Variants in DIP2B observed in about 807,000 individuals in gnomAD.
The protein encoded by DIP2B is DIP2 acetate--CoA ligase B (putative).
A neutral mutation model predicts 198.0 loss-of-function variants in DIP2B; 76 were observed. The ratio of observed to expected loss-of-function variants is 0.38; its 90% CI spans 0.32 to 0.46. DIP2B has a LOEUF of 0.46. DIP2B is among the 20% of genes least tolerant of loss of function. DIP2B has a pLI of 0.99. For synonymous variants in DIP2B, 701 were observed against 739.1 expected (o/e 0.95, Z 0.84); for missense variants, 1,559 against 1,978.4 (o/e 0.79, Z 4.02).
intron 1 of DIP2B, among the ~76,000 whole-genome samples, chr12:50,589,053 G>A (rs1055348988): frequency 9.2e-5 from 14 of 151,378 alleles, no homozygotes; most frequent in Non-Finnish European, 1.3e-4. Flanking sequence ...GTGTGGTGGC[G>A]GGCACCTGTA....
intron 22 of DIP2B, among the ~76,000 whole-genome samples, chr12:50,711,487 T>C (rs1283872638): frequency 4.6e-5 from 7 of 152,204 alleles, no homozygotes; most frequent in African/African-American, 1.7e-4. Flanking sequence ...GTCATCTGTA[T>C]TGGTTGGTAG....
At chr12:50,541,311 C>G (rs1044712527) in intron 1 of DIP2B, among the ~76,000 whole-genome samples, 3 of 151,016 alleles carry the variant, frequency 2.0e-5, no homozygotes, top group Non-Finnish European at 4.4e-5. Flanking sequence ...TATTTTTTAT[C>G]TAATATCAGT....
intron 22 of DIP2B, among the ~76,000 whole-genome samples, chr12:50,711,166 G>A (rs1939607187): frequency 6.6e-6 from 1 of 152,194 alleles, no homozygotes; most frequent in Admixed American, 6.5e-5. Context: ...ATTTGGGCAT[G>A]AGATAACAGG....
At chr12:50,595,286 G>T (rs1424061820) in intron 1 of DIP2B, among the ~76,000 whole-genome samples, 1 of 152,068 alleles carries the variant, frequency 6.6e-6, no homozygotes, top group Non-Finnish European at 1.5e-5. Flanking sequence ...AAACTGGTAA[G>T]GTTTTTCATT....
At chr12:50,515,793 T>A (rs550844410) in intron 1 of DIP2B, among the ~76,000 whole-genome samples, 5 of 152,186 alleles carry the variant, frequency 3.3e-5, no homozygotes, top group African/African-American at 9.7e-5. Flanking sequence ...CTGACTTGCC[T>A]CTGCTCTAGA....
At chr12:50,679,077 T>C in intron 8 of DIP2B, 1 of 603,422 alleles carries the variant, frequency 1.7e-6, no homozygotes, top group Admixed American at 3.3e-5. Flanking sequence ...AGCCAGCTAA[T>C]ATTTAAAAGA....
rs773492675 is a variant in DIP2B, at chr12:50,691,112, C to T, written c.1615C>T (p.His539Tyr). Residue 539 changes from histidine to tyrosine, a missense_variant, in exon 13 of 38, where the codon CAC becomes TAC. By Grantham distance (83) the His-to-Tyr change is moderately conservative (BLOSUM62 2). Transcript: ENST00000301180. Reference protein sequence around the residue: ...VTVSRLAMLSHCQALSQACNY... With the variant: ...VTVSRLAMLSYCQALSQACNY... ...AGTATCCCGGCTTGCAATGTTGTCT[C>T]ACTGCCAAGCTCTGTCGCAGGCCTG... 2.5e-6 allele frequency: 4 copies of T among 1,614,096 alleles called. No individual in the cohort carries two copies. Among genetic ancestry groups the T allele is most frequent in the East Asian group, 2.2e-5 (1 of 44,890 alleles).
chr12:50,689,447 A>C (rs1939185770), intron 12 of DIP2B, among the ~76,000 whole-genome samples: 1 of 152,182 alleles, frequency 6.6e-6, no homozygotes, highest in Non-Finnish European at 1.5e-5. Context: ...GCAGAGAGCA[A>C]AGTAGATGGA....
Position 50,579,459 on chromosome 12 carries a change from A to G in DIP2B, c.101-46517A>G, listed in dbSNP as rs192961228. Among the ~76,000 whole-genome samples, 21 of 150,510 alleles carry G rather than the reference A, an allele frequency of 1.4e-4. 1 individual carries two copies. The highest frequency in any genetic ancestry group is 4.6e-4 in the African/African-American group (19 of 40,976). ...GAAACCCCGTCTCTACAAAAAATAC[A>G]AAATTAGCCAGGTGTGGTGGCAGGT... On this transcript the variant is annotated intron_variant, in intron 1 of 37. Transcript: ENST00000301180.
At chr12:50,544,678 C>T (rs1049222214) in intron 1 of DIP2B, among the ~76,000 whole-genome samples, 3 of 147,374 alleles carry the variant, frequency 2.0e-5, no homozygotes, top group South Asian at 2.1e-4. Flanking sequence ...AGTGCAATGG[C>T]GTGATCTCAG....
At position 50,694,755 on chromosome 12, in the gene DIP2B, G is replaced by C. The variant is rs542725465; in HGVS notation, c.1720-512G>C. The stretch of plus-strand genomic sequence containing the variant: ...AGTCCAGGGAAGGAAGTAGGAATGT[G>C]CTCCTTGAAACATTTTTTGTAGTAG... On this transcript the variant is annotated intron_variant, in intron 14 of 37. Transcript: ENST00000301180. Among the ~76,000 whole-genome samples, 11 of 150,576 alleles carry C rather than the reference G, an allele frequency of 7.3e-5. No individual in the cohort carries two copies. The South Asian group carries it at 2.3e-3, about 32-fold the overall frequency.
chr12:50,578,702 G>T (rs1593625153), intron 1 of DIP2B, among the ~76,000 whole-genome samples: 2 of 151,508 alleles, frequency 1.3e-5, no homozygotes, highest in South Asian at 2.1e-4. Flanking sequence ...TAGAGACAGG[G>T]TTTCACCGTG....
chr12:50,533,951 CT>C (rs534583466), intron 1 of DIP2B, among the ~76,000 whole-genome samples: 13 of 152,132 alleles, frequency 8.5e-5, no homozygotes, highest in Non-Finnish European at 1.3e-4. Flanking sequence ...TTTTTCCCCC[CT>C]GTGACAGAAG....
intron 4 of DIP2B, among the ~76,000 whole-genome samples, chr12:50,670,614 A>T (rs963009911): frequency 1.3e-5 from 2 of 151,958 alleles, no homozygotes; most frequent in African/African-American, 2.4e-5. Flanking sequence ...ATGGGGTTTC[A>T]CCGTGTTGGC....
At chr12:50,604,933 A>G (rs570771939) in intron 1 of DIP2B, among the ~76,000 whole-genome samples, 10 of 152,326 alleles carry the variant, frequency 6.6e-5, no homozygotes, top group East Asian at 1.9e-4. Context: ...TCCCAAGGAT[A>G]GTACGTAGCC....
At chr12:50,521,073 CT>C (rs1482049000) in intron 1 of DIP2B, among the ~76,000 whole-genome samples, 1 of 138,348 alleles carries the variant, frequency 7.2e-6, no homozygotes, top group African/African-American at 2.6e-5. Flanking sequence ...TATTTTTAGA[CT>C]ATTGTTATAT....
intron 9 of DIP2B, among the ~76,000 whole-genome samples, chr12:50,681,544 GT>G (rs1410620904): frequency 6.6e-6 from 1 of 151,986 alleles, no homozygotes; most frequent in Non-Finnish European, 1.5e-5. Flanking sequence ...GATTGACAGA[GT>G]TTTATTTCTC....
intron 1 of DIP2B, among the ~76,000 whole-genome samples, chr12:50,510,679 C>G (rs1368720198): frequency 6.8e-6 from 1 of 147,910 alleles, no homozygotes; most frequent in East Asian, 2.0e-4. Flanking sequence ...GAGTTTCACT[C>G]TTGTTGCCCA....
At position 50,505,022 on chromosome 12, in the gene DIP2B, C is replaced by CGGCGGCGGCGGCGGT. The variant is rs1274636642; in HGVS notation, c.-117_-116insCGGCGGCGGCGGTGG. ...CTCATGGCGGCGGCGGCGGCGGCGGCGGTGCTGGTGGTGCTCGGCGGCCGG... is the reference window on the plus strand; with the variant it reads ...CTCATGGCGGCGGCGGCGGCGGCGGCGGCGGCGGCGGCGGTGGTGCTGGTGGTGCTCGGCGGCCGG... On this transcript the variant is annotated 5_prime_UTR_variant, in exon 1 of 38. Transcript: ENST00000301180. 8 of 1,001,266 alleles carry CGGCGGCGGCGGCGGT rather than the reference C, an allele frequency of 8.0e-6. No individual in the cohort carries two copies. Among genetic ancestry groups the CGGCGGCGGCGGCGGT allele is most frequent in the Non-Finnish European group, 7.2e-6 (5 of 692,110 alleles). 62.0% of individuals were successfully genotyped at this position (1,001,266 alleles called of 1,614,324 possible).
Sources: gnomAD v4.1 joint callset for allele counts (sites outside exome capture counted in the v4.1 genomes callset) on GRCh38, gnomAD v4.1.1 for gene constraint, MANE v1.5 for transcripts, NCBI Gene and HGNC (gene_info 2026-07-23, HGNC 2026-07-21) for gene names.